The following IGSF6 variants were observed in gnomAD, a reference collection of about 807,000 sequenced individuals.
IGSF6 encodes the protein down-regulated by activation (immunoglobulin superfamily).
Under a neutral mutation model 24.7 loss-of-function variants are expected in IGSF6, and 23 were observed. That is an observed-to-expected ratio of 0.93 (90% CI 0.67 to 1.32). IGSF6 has a LOEUF of 1.32. Among genes scored for constraint, IGSF6 ranks in the 40% most tolerant of loss-of-function variants. IGSF6 has a pLI of 0.00. For missense variants in IGSF6, 295 were observed against 293.6 expected (o/e 1.00, Z -0.04); for synonymous variants, 110 against 113.7 (o/e 0.97, Z 0.21).
In IGSF6 at chr16:21,652,533, G is replaced by A. The variant is rs910785304; in HGVS notation, c.66C>T (p.Val22=). 14 of 1,608,018 alleles carry A rather than the reference G, an allele frequency of 8.7e-6. No individual in the cohort carries two copies. Among genetic ancestry groups the A allele is most frequent in the African/African-American group, 2.7e-5 (2 of 74,892 alleles). Reference sequence around the variant, plus strand: ...GGAGGAGAAGAAAAAGAACCTTACCGACACAAAATAGAATGAGATTGGTTT... The same window carrying A: ...GGAGGAGAAGAAAAAGAACCTTACCAACACAAAATAGAATGAGATTGGTTT... ...HLQTNLILFC[V]GAVGACTLSV... The change falls in exon 1 of 6, where the codon GTC becomes GTT. Residue 22 remains valine, a splice_region_variant and synonymous_variant. Coordinates refer to ENST00000268389, the MANE Select transcript of IGSF6 (RefSeq NM_005849.4).
In IGSF6 at chr16:21,641,485, A is replaced by G. The variant is rs763634011; in HGVS notation, c.*49T>C. ...GATATATGTTCATTAACACTGCCAT[A>G]GCTCCTGGAGTTGGATTTTCAGTGA... On this transcript the variant is annotated 3_prime_UTR_variant, in exon 6 of 6. Transcript: ENST00000268389. 3.6e-5 allele frequency: 40 copies of G among 1,105,094 alleles called. No individual in the cohort carries two copies. The African/African-American group carries it at 5.9e-4, about 16-fold the overall frequency. 68.5% of individuals were successfully genotyped at this position (1,105,094 alleles called of 1,614,324 possible).
chr16:21,647,347 A>G lies in IGSF6; in HGVS notation c.213T>C (p.Gly71=). 2 of 1,614,148 alleles carry G rather than the reference A, an allele frequency of 1.2e-6. No homozygotes were observed. Among genetic ancestry groups the G allele is most frequent in the Middle Eastern group, 1.6e-4 (1 of 6,062 alleles). Reference sequence around the variant, plus strand: ...AGCACAGGTTCTCAGGCTGGTGAGCACCGTAGCGAAACCACAGGCATGTTG... The same window carrying G: ...AGCACAGGTTCTCAGGCTGGTGAGCGCCGTAGCGAAACCACAGGCATGTTG... ...EQPTCLWFRY[G]AHQPENLCLD... is the part of the protein sequence containing the mutation. The change falls in exon 2 of 6, where the codon GGT becomes GGC. Residue 71 remains glycine, a synonymous_variant. Transcript: ENST00000268389.
chr16:21,648,409 TAGTA>T (rs1382550596), intron 1 of IGSF6, among the ~76,000 whole-genome samples: 2 of 152,198 alleles, frequency 1.3e-5, no homozygotes, highest in Non-Finnish European at 2.9e-5. Flanking sequence ...GCCTAAGCTA[TAGTA>T]AGTATTAAAT....
intron 1 of IGSF6, among the ~76,000 whole-genome samples, chr16:21,650,506 C>G (rs1256319847): frequency 1.1e-5 from 1 of 94,424 alleles, no homozygotes; most frequent in African/African-American, 3.8e-5. Flanking sequence ...AGACTCTTGT[C>G]TCAAAAAAAA....
intron 2 of IGSF6, 44 bp from the exon 3 acceptor site, chr16:21,644,440 T>A (rs1239335509): frequency 7.3e-7 from 1 of 1,362,236 alleles, no homozygotes; most frequent in Non-Finnish European, 1.0e-6. Context: ...TATTAAAGCC[T>A]ATTCTTTCAA....
chr16:21,642,679 T>C (rs1430380682), intron 5 of IGSF6, among the ~76,000 whole-genome samples: 2 of 152,154 alleles, frequency 1.3e-5, no homozygotes, highest in Non-Finnish European at 2.9e-5. Context: ...TTTTGCCTTA[T>C]AAGTAACAAG....
chr16:21,648,036 G>C (rs573018753), intron 1 of IGSF6, among the ~76,000 whole-genome samples: 1 of 152,212 alleles, frequency 6.6e-6, no homozygotes, highest in East Asian at 1.9e-4. Flanking sequence ...TTCTTTGTGA[G>C]CCTGGTGTCC....
At position 21,641,114 on chromosome 16, in the gene IGSF6, TAA is replaced by T. The variant is rs1158118162; in HGVS notation, c.*418_*419del. ...AGGTGCTTTTCAAAATGAATGTCTC[TAA>T]CTCAAATTTTGTCACGTTGTCCCTC... On this transcript the variant is annotated 3_prime_UTR_variant, in exon 6 of 6. Transcript: ENST00000268389. 2 of 154,390 alleles carry T rather than the reference TAA, an allele frequency of 1.3e-5. No homozygotes were observed. Among genetic ancestry groups the T allele is most frequent in the Non-Finnish European group, 2.9e-5 (2 of 69,602 alleles). The allele number at this position is 154,390 out of a possible 1,614,324, so 9.6% of individuals were successfully genotyped here.
chr16:21,643,205 G>T, intron 4 of IGSF6, 51 bp from the exon 5 acceptor site: 1 of 1,351,894 alleles, frequency 7.4e-7, no homozygotes, highest in Non-Finnish European at 1.0e-6. Context: ...TATAAGCGAT[G>T]ATAACGACGC....
intron 2 of IGSF6, among the ~76,000 whole-genome samples, chr16:21,644,794 A>C (rs1316011040): frequency 2.0e-5 from 3 of 152,214 alleles, no homozygotes; most frequent in Non-Finnish European, 2.9e-5. Context: ...TGTGGTTAAG[A>C]TATTTTCATA....
chr16:21,643,289 C>A, intron 4 of IGSF6, 135 bp from the exon 5 acceptor site: 1 of 676,598 alleles, frequency 1.5e-6, no homozygotes, highest in Non-Finnish European at 2.6e-6. Flanking sequence ...TATGTGCCTA[C>A]AGTTAACTCT....
At chr16:21,651,590 C>T (rs1966577427) in intron 1 of IGSF6, among the ~76,000 whole-genome samples, 1 of 152,050 alleles carries the variant, frequency 6.6e-6, no homozygotes, top group South Asian at 2.1e-4. Flanking sequence ...CATGAACCAC[C>T]ACGCCCAGCC....
At chr16:21,644,997 C>T (rs1026486682) in intron 2 of IGSF6, among the ~76,000 whole-genome samples, 3 of 152,188 alleles carry the variant, frequency 2.0e-5, no homozygotes, top group African/African-American at 7.2e-5. Context: ...TTATTGAATC[C>T]ATTTTCACAT....
intron 2 of IGSF6, among the ~76,000 whole-genome samples, chr16:21,645,798 G>A (rs1040002445): frequency 1.3e-5 from 2 of 152,178 alleles, no homozygotes; most frequent in African/African-American, 4.8e-5. Flanking sequence ...TTTCATATCA[G>A]TAGCTAACAT....
At chr16:21,647,684 T>C (rs906277991) in intron 1 of IGSF6, among the ~76,000 whole-genome samples, 192 bp from the exon 2 acceptor site, 2 of 152,160 alleles carry the variant, frequency 1.3e-5, no homozygotes, top group African/African-American at 4.8e-5. Context: ...CTTGACCTGC[T>C]GGGTCACATG....
chr16:21,647,040 T>G (rs1164011648), intron 2 of IGSF6, 93 bp downstream of exon 2: 2 of 1,549,474 alleles, frequency 1.3e-6, no homozygotes, highest in Non-Finnish European at 1.8e-6. Context: ...CTTAGCAAAT[T>G]TATCTCCTGA....
Position 21,652,526 on chromosome 16 carries a change from C to T in IGSF6, c.67+6G>A. ...AAATGAAGGAGGAGAAGAAAAAGAA[C>T]CTTACCGACACAAAATAGAATGAGA... On this transcript the variant is annotated splice_donor_region_variant and intron_variant, in intron 1 of 5. Coordinates refer to ENST00000268389, the MANE Select transcript of IGSF6 (RefSeq NM_005849.4). 1.2e-6 allele frequency: 2 copies of T among 1,604,928 alleles called. No homozygotes were observed. Among genetic ancestry groups the T allele is most frequent in the Non-Finnish European group, 1.7e-6 (2 of 1,175,194 alleles).
Position 21,647,132 on chromosome 16 carries a change from C to A in IGSF6, c.427+1G>T. On this transcript the variant is annotated splice_donor_variant, in intron 2 of 5. Transcript: ENST00000268389. LOFTEE classifies it high-confidence loss of function. ...ACTGAAATAAAGCCTCGCTGACTGA[C>A]CTCTTACCACCAGTGTGGTCCCTCC... 6.2e-7 allele frequency: 1 copy of A among 1,614,166 alleles called. No individual in the cohort carries two copies. Among genetic ancestry groups the A allele is most frequent in the Non-Finnish European group, 8.5e-7 (1 of 1,180,022 alleles).
chr16:21,643,261 AC>A lies in IGSF6; in HGVS notation c.586-108del. 2.6e-6 allele frequency: 2 copies of A among 782,184 alleles called. 1 individual carries two copies. Among genetic ancestry groups the A allele is most frequent in the Non-Finnish European group, 4.4e-6 (2 of 455,954 alleles). The allele number at this position is 782,184 out of a possible 1,614,324, so 48.5% of individuals were successfully genotyped here. The stretch of plus-strand genomic sequence containing the variant: ...TCTATTGCCACCGGTCCCAAAAACT[AC>A]CCCCTCCCCCAACACATATGTGCCT... On this transcript the variant is annotated intron_variant, in intron 4 of 5. Transcript: ENST00000268389.
Sources: gnomAD v4.1 joint callset for allele counts (sites outside exome capture counted in the v4.1 genomes callset) on GRCh38, gnomAD v4.1.1 for gene constraint, MANE v1.5 for transcripts, NCBI Gene and HGNC (gene_info 2026-07-23, HGNC 2026-07-21) for gene names.